The following MTUS2 variants were observed in gnomAD, a reference collection of about 807,000 sequenced individuals.
MTUS2 encodes microtubule associated scaffold protein 2.
Under a neutral mutation model 114.1 loss-of-function variants are expected in MTUS2, and 40 were observed. The ratio of observed to expected loss-of-function variants is 0.35; its 90% CI spans 0.27 to 0.46. The LOEUF is 0.46. Ranked by LOEUF, MTUS2 falls within the 20% of genes least tolerant of loss-of-function variation. MTUS2 has a pLI of 1.00. For synonymous variants in MTUS2, 688 were observed against 672.0 expected, an observed-to-expected ratio of 1.02 and a Z score of -0.37; for missense variants, 1,679 against 1,705.4, an observed-to-expected ratio of 0.98 and a Z score of 0.27.
Position 29,266,071 on chromosome 13 carries a change from C to G in MTUS2, c.2645-15633C>G, listed in dbSNP as rs78950910. On this transcript the variant is annotated intron_variant, in intron 5 of 15. Transcript: ENST00000612955. ...GAAAGATACGAAGCCATAGGAGGACCAGTGGCAGGAAGAAAAGGGAAGTCA... is the reference window on the plus strand; with the variant it reads ...GAAAGATACGAAGCCATAGGAGGACGAGTGGCAGGAAGAAAAGGGAAGTCA... 2.8e-3 allele frequency among the ~76,000 whole-genome samples: 420 copies of G among 152,078 alleles called. 12 individuals are homozygous for G. The East Asian group carries it at 0.063, about 23-fold the overall frequency.
chr13:29,464,026 G>A (rs760649396), intron 9 of MTUS2, among the ~76,000 whole-genome samples: 4 of 151,770 alleles, frequency 2.6e-5, no homozygotes, highest in Non-Finnish European at 4.4e-5. Context: ...AGAAACGATA[G>A]ATGTTGGCTG....
intron 5 of MTUS2, among the ~76,000 whole-genome samples, chr13:29,118,220 C>T (rs1416207129): frequency 2.6e-5 from 4 of 151,884 alleles, no homozygotes; most frequent in South Asian, 2.1e-4. Flanking sequence ...TTTACCATCA[C>T]GGAAGCCTAG....
intron 5 of MTUS2, among the ~76,000 whole-genome samples, chr13:29,236,500 A>C (rs184196975): frequency 6.6e-6 from 1 of 152,358 alleles, no homozygotes; most frequent in African/African-American, 2.4e-5. Flanking sequence ...TCCTAGACAG[A>C]AGAGGTTGAA....
At chr13:29,467,764 C>T (rs1008215819) in intron 9 of MTUS2, among the ~76,000 whole-genome samples, 7 of 152,154 alleles carry the variant, frequency 4.6e-5, no homozygotes, top group Admixed American at 3.3e-4. Context: ...CAATTATATT[C>T]GCACACAGGA....
chr13:29,459,558 C>T (rs73446103), intron 9 of MTUS2, among the ~76,000 whole-genome samples: 9,741 of 152,234 alleles, frequency 0.064, 348 homozygotes, highest in African/African-American at 0.085. Flanking sequence ...ATCTGACTTC[C>T]CCTCCCTGAT....
chr13:29,446,636 A>G lies in MTUS2; in HGVS notation c.3184+6587A>G, dbSNP rs528514540. Among the ~76,000 whole-genome samples the G allele has an allele frequency of 2.6e-5, 4 of 152,238 alleles. No individual in the cohort carries two copies. In the South Asian group the frequency reaches 8.3e-4, roughly 31 times the overall value. On this transcript the variant is annotated intron_variant, in intron 9 of 15. Transcript: ENST00000612955. ...GTTATTTTCTTGGGAATATATTCTC[A>G]AAAGCACTGACTGATAATTTTGGGA... is the stretch of plus-strand genomic sequence containing the variant.
At chr13:29,181,664 TTACTC>T (rs57506013) in intron 5 of MTUS2, among the ~76,000 whole-genome samples, 3,722 of 152,226 alleles carry the variant, frequency 0.024, 150 homozygotes, top group African/African-American at 0.084. Flanking sequence ...CCAGGGTTGT[TTACTC>T]TAATAATAAA....
chr13:29,094,135 A>G (rs1042307627), intron 4 of MTUS2, among the ~76,000 whole-genome samples: 9 of 152,138 alleles, frequency 5.9e-5, no homozygotes, highest in African/African-American at 1.2e-4. Context: ...TTTTGAATCT[A>G]TAAGAGTTAT....
At chr13:28,865,212 G>T (rs1033750197) in intron 2 of MTUS2, among the ~76,000 whole-genome samples, 4 of 152,180 alleles carry the variant, frequency 2.6e-5, no homozygotes, top group African/African-American at 9.7e-5. Flanking sequence ...TTCTGGTTGA[G>T]TAGCTCTGGG....
chr13:29,000,856 T>G (rs1885353367), intron 2 of MTUS2, among the ~76,000 whole-genome samples: 1 of 152,280 alleles, frequency 6.6e-6, no homozygotes, highest in Non-Finnish European at 1.5e-5. Flanking sequence ...ATACCTCTGA[T>G]AGCCTCCCAG....
chr13:29,199,685 C>G (rs1461703166), intron 5 of MTUS2, among the ~76,000 whole-genome samples: 1 of 151,872 alleles, frequency 6.6e-6, no homozygotes, highest in Non-Finnish European at 1.5e-5. Context: ...GTTTTGGTAT[C>G]AGGATGATGC....
intron 8 of MTUS2, among the ~76,000 whole-genome samples, chr13:29,386,324 C>T (rs1478963973): frequency 1.3e-5 from 2 of 152,050 alleles, no homozygotes; most frequent in African/African-American, 4.8e-5. Context: ...ATGGGCACGG[C>T]GAAGGGTCAG....
chr13:29,005,422 T>C (rs566519990), intron 2 of MTUS2, among the ~76,000 whole-genome samples: 1 of 152,298 alleles, frequency 6.6e-6, no homozygotes, highest in Admixed American at 6.5e-5. Context: ...CAAAGTTCTG[T>C]TGAGTGTCTG....
intron 5 of MTUS2, among the ~76,000 whole-genome samples, chr13:29,217,461 GTGC>G (rs1170125488): frequency 6.6e-5 from 10 of 152,186 alleles, no homozygotes; most frequent in African/African-American, 2.4e-4. Flanking sequence ...TCTATTAAGT[GTGC>G]TATAGCATTA....
intron 7 of MTUS2, among the ~76,000 whole-genome samples, chr13:29,331,610 T>G (rs1205194392): frequency 6.6e-6 from 1 of 152,170 alleles, no homozygotes; most frequent in Non-Finnish European, 1.5e-5. Context: ...ATAGGAGTGG[T>G]GAGAGAGGGG....
At chr13:28,863,685 A>G (rs1159563202) in intron 2 of MTUS2, among the ~76,000 whole-genome samples, 1 of 152,116 alleles carries the variant, frequency 6.6e-6, no homozygotes, top group East Asian at 1.9e-4. Context: ...TTAAAAATTA[A>G]TTTATATTTT....
chr13:28,862,593 C>T (rs116748259), intron 2 of MTUS2, among the ~76,000 whole-genome samples: 3,170 of 152,238 alleles, frequency 0.021, 115 homozygotes, highest in African/African-American at 0.073. Flanking sequence ...GGCCTGGGCG[C>T]GGCAGAGCAA....
chr13:29,359,792 G>A (rs780203761), intron 8 of MTUS2, among the ~76,000 whole-genome samples: 2 of 152,146 alleles, frequency 1.3e-5, no homozygotes, highest in South Asian at 2.1e-4. Flanking sequence ...GAAATGGAGC[G>A]TGTGGTAGTT....
At chr13:29,424,016 C>T (rs1372588391) in intron 8 of MTUS2, among the ~76,000 whole-genome samples, 1 of 142,720 alleles carries the variant, frequency 7.0e-6, no homozygotes, top group Non-Finnish European at 1.5e-5. Flanking sequence ...AGGTGCCTGC[C>T]ACCATGCCTG....
Sources: gnomAD v4.1 joint callset for allele counts (sites outside exome capture counted in the v4.1 genomes callset) on GRCh38, gnomAD v4.1.1 for gene constraint, MANE v1.5 for transcripts, NCBI Gene and HGNC (gene_info 2026-07-23, HGNC 2026-07-21) for gene names.